Variants in SGK1 observed in about 807,000 individuals in gnomAD.
SGK1 encodes the protein serine/threonine-protein kinase Sgk1.
A neutral mutation model predicts 64.2 loss-of-function variants in SGK1; 26 were observed. The observed-to-expected ratio is 0.40, with a 90% confidence interval of 0.30 to 0.56. SGK1 has a LOEUF of 0.56. SGK1 is among the 20% of genes least tolerant of loss of function. The pLI is 0.38. For synonymous variants in SGK1, 265 were observed against 239.7 expected (o/e 1.11, Z -0.98); for missense variants, 519 against 645.6 (o/e 0.80, Z 2.12).
intron 3 of SGK1, among the ~76,000 whole-genome samples, chr6:134,180,070 C>T (rs1253720561): frequency 6.6e-6 from 1 of 152,116 alleles, no homozygotes; most frequent in East Asian, 1.9e-4. Flanking sequence ...CCTCCCACCT[C>T]GGACTCCTGA....
chr6:134,315,239 C>T (rs1239813856), intron 1 of SGK1, among the ~76,000 whole-genome samples: 1 of 151,968 alleles, frequency 6.6e-6, no homozygotes, highest in Non-Finnish European at 1.5e-5. Context: ...ATCCCTGGGG[C>T]ATTCAATGAC....
chr6:134,174,713 G>A lies in SGK1; in HGVS notation c.362-127C>T, dbSNP rs376857217. The A allele has an allele frequency of 5.0e-5, 80 of 1,614,020 alleles. No homozygotes were observed. In the African/African-American group the frequency reaches 6.1e-4, roughly 12 times the overall value. ...TTGCGTCTCCTGGAGCAGAAGTCCC[G>A]CAAGATTCCTGCACTCACCGATGAG... On this transcript the variant is annotated intron_variant, in intron 3 of 13. Coordinates refer to ENST00000367858, the MANE Select transcript of SGK1 (RefSeq NM_001143676.3).
At chr6:134,174,979 C>T in intron 3 of SGK1, 1 of 1,290,716 alleles carries the variant, frequency 7.7e-7, no homozygotes, top group Non-Finnish European at 1.0e-6. Flanking sequence ...CCCCGGCCGC[C>T]TCGCGGTTTG....
At chr6:134,283,490 T>C (rs1777127701) in intron 1 of SGK1, among the ~76,000 whole-genome samples, 1 of 145,796 alleles carries the variant, frequency 6.9e-6, no homozygotes, top group Non-Finnish European at 1.5e-5. Context: ...AACTCTGCCT[T>C]AAAAAAAAAA....
chr6:134,315,840 G>A (rs1777675077), intron 1 of SGK1, among the ~76,000 whole-genome samples: 1 of 151,966 alleles, frequency 6.6e-6, no homozygotes, highest in African/African-American at 2.4e-5. Flanking sequence ...AAAAGGTCAA[G>A]ACCACCCTGG....
Position 134,198,726 on chromosome 6 carries a change from A to ATTTTTTTTT in SGK1, c.361+8621_361+8629dup, listed in dbSNP as rs1178699258. On this transcript the variant is annotated intron_variant, in intron 3 of 13. Coordinates refer to ENST00000367858, the MANE Select transcript of SGK1 (RefSeq NM_001143676.3). Reference sequence around the variant, plus strand: ...TTTTTTCTTCTTTTTCTCTTTTTCTATTTTTTTTTTTTTTTTTTTTGAAAA... The same window carrying ATTTTTTTTT: ...TTTTTTCTTCTTTTTCTCTTTTTCTATTTTTTTTTTTTTTTTTTTTTTTTTTTTTGAAAA... Among the ~76,000 whole-genome samples the ATTTTTTTTT allele has an allele frequency of 1.0e-3, 103 of 101,778 alleles. 8 individuals are homozygous for ATTTTTTTTT. Among genetic ancestry groups the ATTTTTTTTT allele is most frequent in the African/African-American group, 2.0e-3 (53 of 26,986 alleles). The allele number at this position is 101,778 out of a possible 152,430, so 66.8% of individuals were successfully genotyped here.
At chr6:134,256,018 T>C (rs548777730) in intron 2 of SGK1, among the ~76,000 whole-genome samples, 4 of 152,308 alleles carry the variant, frequency 2.6e-5, no homozygotes, top group African/African-American at 7.2e-5. Flanking sequence ...TGCATGAAGA[T>C]TTGTGAATGT....
chr6:134,252,874 ACT>A (rs998878180), intron 2 of SGK1, among the ~76,000 whole-genome samples: 1 of 152,180 alleles, frequency 6.6e-6, no homozygotes, highest in African/African-American at 2.4e-5. Context: ...AATTTGAAGT[ACT>A]GTTATTTTAA....
At chr6:134,304,062 A>T (rs557291136) in intron 1 of SGK1, among the ~76,000 whole-genome samples, 2 of 152,196 alleles carry the variant, frequency 1.3e-5, no homozygotes, top group Non-Finnish European at 2.9e-5. Flanking sequence ...TCTTAAGAAC[A>T]TGTTACTGTG....
At chr6:134,175,658 C>G (rs754147792) in intron 3 of SGK1, 45 of 1,506,184 alleles carry the variant, frequency 3.0e-5, no homozygotes, top group Middle Eastern at 2.0e-4. Flanking sequence ...TGCATCTCCC[C>G]CATGGGCAGC....
At position 134,170,480 on chromosome 6, in the gene SGK1, G is replaced by A. The variant is rs751302917; in HGVS notation, c.1414-45C>T. On this transcript the variant is annotated intron_variant, in intron 13 of 13. Transcript: ENST00000367858. ...ACACTCTTGTCAAGAACTCACACTA[G>A]ACACAGGACAGGGAAATCTTGACCA... The A allele has an allele frequency of 7.7e-6, 12 of 1,554,104 alleles. No individual in the cohort carries two copies. In the Admixed American group the frequency reaches 2.2e-4, roughly 28 times the overall value.
chr6:134,195,605 C>T (rs1438789248), intron 3 of SGK1, among the ~76,000 whole-genome samples: 1 of 152,164 alleles, frequency 6.6e-6, no homozygotes, highest in Non-Finnish European at 1.5e-5. Flanking sequence ...ATAAATAACC[C>T]ATCCTTGAAC....
At chr6:134,304,746 GA>G (rs371086894) in intron 1 of SGK1, among the ~76,000 whole-genome samples, 15 of 147,808 alleles carry the variant, frequency 1.0e-4, no homozygotes, top group African/African-American at 2.5e-4. Context: ...AGAACAAAGA[GA>G]AAAAAAAACA....
intron 2 of SGK1, among the ~76,000 whole-genome samples, chr6:134,224,881 C>G (rs551707577): frequency 6.6e-6 from 1 of 151,060 alleles, no homozygotes; most frequent in Non-Finnish European, 1.5e-5. Flanking sequence ...ATTAGCCAGG[C>G]GTGGTAGCAC....
At chr6:134,215,788 A>G (rs935679375) in intron 2 of SGK1, among the ~76,000 whole-genome samples, 3 of 152,068 alleles carry the variant, frequency 2.0e-5, no homozygotes, top group Non-Finnish European at 2.9e-5. Context: ...AGGCTGAGGC[A>G]GGTGGATCAC....
intron 2 of SGK1, among the ~76,000 whole-genome samples, chr6:134,245,202 C>T (rs1407747195): frequency 1.3e-5 from 2 of 152,188 alleles, no homozygotes; most frequent in East Asian, 3.9e-4. Flanking sequence ...CTCAGAATAT[C>T]GTGGACTAAA....
At position 134,298,586 on chromosome 6, in the gene SGK1, G is replaced by A. The variant is rs1342897976; in HGVS notation, c.69+18806C>T. ...AGCTGCTGCTGCCCACTCAGGAGGA[G>A]CTTGAGGAGCTGATGCAGGTACTGG... On this transcript the variant is annotated intron_variant, in intron 1 of 13. Transcript: ENST00000367858. 1.3e-5 allele frequency: 12 copies of A among 949,378 alleles called. No individual in the cohort carries two copies. In the Admixed American group the frequency reaches 2.4e-4, roughly 19 times the overall value. The allele number at this position is 949,378 out of a possible 1,614,324, so 58.8% of individuals were successfully genotyped here.
intron 1 of SGK1, among the ~76,000 whole-genome samples, chr6:134,280,950 C>T (rs967771195): frequency 2.0e-5 from 3 of 152,116 alleles, no homozygotes; most frequent in African/African-American, 4.8e-5. Context: ...GCACCAGTAA[C>T]CCCAGCTACT....
At chr6:134,255,078 C>T (rs887386007) in intron 2 of SGK1, among the ~76,000 whole-genome samples, 2 of 152,094 alleles carry the variant, frequency 1.3e-5, no homozygotes, top group African/African-American at 4.8e-5. Context: ...CCATGTTGGC[C>T]AGGCTGGTCT....
Sources: allele counts gnomAD v4.1 joint callset (sites outside exome capture counted in the v4.1 genomes callset), GRCh38; gene constraint gnomAD v4.1.1; transcripts MANE v1.5; gene names NCBI Gene and HGNC (gene_info 2026-07-23, HGNC 2026-07-21).